EML5: variants seen among roughly 807,000 people sequenced by gnomAD.
EML5 encodes the protein EMAP like 5, also known as echinoderm microtubule-associated protein-like 5.
EML5 carries 120 observed loss-of-function variants against 250.0 expected under a neutral mutation model. That is an observed-to-expected ratio of 0.48 (90% CI 0.41 to 0.56). The LOEUF is 0.56. EML5 is among the 20% of genes least tolerant of loss of function. The pLI is 0.00. For synonymous variants in EML5, 771 were observed against 806.5 expected, an observed-to-expected ratio of 0.96 and a Z score of 0.75; for missense variants, 2,006 against 2,437.6, an observed-to-expected ratio of 0.82 and a Z score of 3.73.
intron 11 of EML5, chr14:88,706,011 T>C (rs1414812439): frequency 7.4e-6 from 4 of 537,968 alleles, no homozygotes; most frequent in Admixed American, 6.7e-5. Context: ...TGTTTTGCTA[T>C]TAATATAACT....
intron 35 of EML5, chr14:88,626,571 C>T (rs1050160195): frequency 1.2e-5 from 5 of 416,938 alleles, no homozygotes; most frequent in African/African-American, 6.0e-5. Flanking sequence ...GAGCTATAAT[C>T]GCACCATTGC....
At chr14:88,705,985 G>A (rs534220826) in intron 11 of EML5, 3 of 523,876 alleles carry the variant, frequency 5.7e-6, no homozygotes, top group Admixed American at 6.4e-5. Context: ...ATCTCTCAGA[G>A]GATATATTAA....
intron 8 of EML5, among the ~76,000 whole-genome samples, chr14:88,719,428 AAT>A (rs1371749712): frequency 6.6e-6 from 1 of 152,116 alleles, no homozygotes; most frequent in Admixed American, 6.5e-5. Flanking sequence ...TACAACTATT[AAT>A]AGTCTATCCC....
intron 27 of EML5, among the ~76,000 whole-genome samples, chr14:88,651,047 T>C (rs2091596212): frequency 6.6e-6 from 1 of 152,086 alleles, no homozygotes; most frequent in African/African-American, 2.4e-5. Context: ...CTCACAAATA[T>C]TCTAAGTTGG....
At position 88,626,962 on chromosome 14, in the gene EML5, G is replaced by A. The variant is rs752694456; in HGVS notation, c.4616C>T (p.Ser1539Leu). Reference sequence around the variant, plus strand: ...GAACTTCACATGTTTTACTCCCACTGAGACAAACTGGGTATCTGAATCTGG... The same window carrying A: ...GAACTTCACATGTTTTACTCCCACTAAGACAAACTGGGTATCTGAATCTGG... Reference protein sequence around the residue: ...FRPDSDTQFVSVGVKHVKFWT... With the variant: ...FRPDSDTQFVLVGVKHVKFWT... The change falls in exon 35 of 44, where the codon TCA becomes TTA. Residue 1539 changes from serine to leucine, a missense_variant. Coordinates refer to ENST00000554922, the MANE Select transcript of EML5 (RefSeq NM_183387.3). 1 of 1,613,984 alleles carries A rather than the reference G, an allele frequency of 6.2e-7. No individual in the cohort carries two copies. Among genetic ancestry groups the A allele is most frequent in the South Asian group, 1.1e-5 (1 of 91,074 alleles).
chr14:88,707,508 G>A (rs932957269), intron 10 of EML5, among the ~76,000 whole-genome samples: 1 of 151,918 alleles, frequency 6.6e-6, no homozygotes, highest in Non-Finnish European at 1.5e-5. Context: ...AAAATACACA[G>A]GATACAATGA....
At chr14:88,630,023 A>AT (rs58382081) in intron 33 of EML5, among the ~76,000 whole-genome samples, 3,030 of 84,198 alleles carry the variant, frequency 0.036, 114 homozygotes, top group African/African-American at 0.048. Context: ...TAAAAACTGT[A>AT]TTTTTTTTTT....
At chr14:88,696,164 AATATAT>A (rs10551487) in intron 15 of EML5, among the ~76,000 whole-genome samples, 1 of 147,330 alleles carries the variant, frequency 6.8e-6, no homozygotes, top group Admixed American at 6.8e-5. Flanking sequence ...CAACTCTTTG[AATATAT>A]ATATATATAT....
chr14:88,773,472 A>G (rs1037082746), intron 1 of EML5, among the ~76,000 whole-genome samples: 1 of 152,220 alleles, frequency 6.6e-6, no homozygotes, highest in Non-Finnish European at 1.5e-5. Context: ...AACGCATAAT[A>G]GTAAATGAGT....
chr14:88,789,757 T>C (rs1440097801), intron 1 of EML5, among the ~76,000 whole-genome samples: 1 of 152,064 alleles, frequency 6.6e-6, no homozygotes, highest in Non-Finnish European at 1.5e-5. Context: ...AAGCAAATGA[T>C]AGACTAGTCA....
Position 88,702,583 on chromosome 14 carries a change from CA to C in EML5, c.2100del (p.Glu701LysfsTer33), listed in dbSNP as rs2093236525. On this transcript the variant is annotated frameshift_variant, in exon 14 of 44. Transcript: ENST00000554922. LOFTEE classifies it high-confidence loss of function. ...ACTGCTGCCACATGGTACACAATTT[CA>C]CCAATTTGAGTATAAAACAGATTAC... The part of the protein sequence containing the change: ...CRSNLFYTQI[G>X]EIVYHVAAVG... 2 of 1,610,932 alleles carry C rather than the reference CA, an allele frequency of 1.2e-6. No homozygotes were observed. Among genetic ancestry groups the C allele is most frequent in the African/African-American group, 2.7e-5 (2 of 74,854 alleles).
intron 36 of EML5, 94 bp downstream of exon 36, chr14:88,624,876 C>T: frequency 7.1e-7 from 1 of 1,416,704 alleles, no homozygotes; most frequent in Non-Finnish European, 9.5e-7. Flanking sequence ...GGAGAGGACA[C>T]TCTGTGTAGC....
chr14:88,630,859 G>A (rs532871359), intron 33 of EML5, among the ~76,000 whole-genome samples: 1 of 152,324 alleles, frequency 6.6e-6, no homozygotes, highest in African/African-American at 2.4e-5. Context: ...TATCGGTGAA[G>A]CCAACACTGT....
intron 17 of EML5, among the ~76,000 whole-genome samples, chr14:88,693,763 C>CTTTTTTTTTTTTTTTTTTTTTT (rs71127002): frequency 1.6e-5 from 1 of 62,846 alleles, no homozygotes; most frequent in African/African-American, 7.6e-5. Context: ...ATGTTAACAT[C>CTTTTTTTTTTTTTTTTTTTTTT]TTTTTTTTTT....
chr14:88,638,990 CTT>C (rs2090904301), intron 31 of EML5, 83 bp from the exon 32 acceptor site: 43 of 998,796 alleles, frequency 4.3e-5, no homozygotes, highest in Non-Finnish European at 5.7e-5. Flanking sequence ...ATAAACTACT[CTT>C]TAACTTATTT....
At chr14:88,692,775 C>T (rs544712074) in intron 17 of EML5, among the ~76,000 whole-genome samples, 35 of 152,144 alleles carry the variant, frequency 2.3e-4, no homozygotes, top group Non-Finnish European at 4.0e-4. Context: ...ACTTTGTAAA[C>T]GCATATGCTG....
chr14:88,780,774 C>G (rs1276803558), intron 1 of EML5, among the ~76,000 whole-genome samples: 1 of 152,142 alleles, frequency 6.6e-6, no homozygotes, highest in Admixed American at 6.5e-5. Context: ...GGGGTTTCAT[C>G]ATCTTGGCCA....
At chr14:88,782,843 G>GC (rs2094510732) in intron 1 of EML5, among the ~76,000 whole-genome samples, 2 of 152,222 alleles carry the variant, frequency 1.3e-5, no homozygotes, top group Admixed American at 6.5e-5. Flanking sequence ...ACTTTGGGAG[G>GC]CTGAGGTGGG....
intron 30 of EML5, 146 bp from the exon 31 acceptor site, chr14:88,643,168 A>G: frequency 1.3e-6 from 1 of 743,522 alleles, no homozygotes; most frequent in Non-Finnish European, 2.0e-6. Flanking sequence ...TACAAAATTA[A>G]GCTACTCATA....
Sources: allele counts gnomAD v4.1 joint callset (sites outside exome capture counted in the v4.1 genomes callset), GRCh38; gene constraint gnomAD v4.1.1; transcripts MANE v1.5; gene names NCBI Gene and HGNC (gene_info 2026-07-23, HGNC 2026-07-21).